PLSCR5: variants seen among roughly 807,000 people sequenced by gnomAD.
PLSCR5 encodes phospholipid scramblase family member 5, also known as phospholipid scramblase family, member 5.
Under a neutral mutation model 33.6 loss-of-function variants are expected in PLSCR5, and 44 were observed. That is an observed-to-expected ratio of 1.31 (90% CI 1.03 to 1.69). The LOEUF (loss-of-function observed/expected upper bound fraction) is 1.69. Among genes scored for constraint, PLSCR5 ranks in the 40% most tolerant of loss-of-function variants. PLSCR5 has a pLI of 0.00. For synonymous variants in PLSCR5, 148 were observed against 112.3 expected, an observed-to-expected ratio of 1.32 and a Z score of -2.01; for missense variants, 375 against 318.7, an observed-to-expected ratio of 1.18 and a Z score of -1.34.
At chr3:146,598,670 T>G (rs1452832994) in intron 2 of PLSCR5, among the ~76,000 whole-genome samples, 1 of 152,182 alleles carries the variant, frequency 6.6e-6, no homozygotes, top group Non-Finnish European at 1.5e-5. Context: ...ACCTCAGCCC[T>G]CTGGCACTGG....
At chr3:146,584,471 C>T (rs2044652983), downstream of PLSCR5, among the ~76,000 whole-genome samples, 1 of 152,072 alleles carries the variant, frequency 6.6e-6, no homozygotes, top group Admixed American at 6.6e-5. Context: ...ACCAGTTACA[C>T]TGAAAAAATA....
At chr3:146,593,882 T>A (rs1185889785) in intron 4 of PLSCR5, 38 bp downstream of exon 4, 1 of 1,573,310 alleles carries the variant, frequency 6.4e-7, no homozygotes, top group Non-Finnish European at 8.7e-7. Flanking sequence ...AATGCTAATC[T>A]TAAAAATCAA....
In PLSCR5 at chr3:146,580,454, C is replaced by CTTTTT. The variant is rs1170556618; in HGVS notation, c.*45-3734_*45-3730dup. Among the ~76,000 whole-genome samples, 16 of 60,556 alleles carry CTTTTT rather than the reference C, an allele frequency of 2.6e-4. 1 individual carries two copies. The highest frequency in any genetic ancestry group is 8.7e-4 in the African/African-American group (12 of 13,802). 39.7% of individuals were successfully genotyped at this position (60,556 alleles called of 152,430 possible). ...TCTTGACTCAGAGCCTTTGAATTTG[C>CTTTTT]TTTTTTTTTTTTTTTTTTTTTTTTT... is the stretch of plus-strand genomic sequence containing the variant. On this transcript the variant is annotated intron_variant, in intron 7 of 7. Transcript: ENST00000482567.
At position 146,577,925 on chromosome 3, in the gene PLSCR5, T is replaced by C. The variant is rs558457959; in HGVS notation, c.*45-1200A>G. ...AACATATATATTACCTAGGCATATG[T>C]AACTGGATTTTAAAAAGTAACAACT... On this transcript the variant is annotated intron_variant, in intron 7 of 7. Coordinates refer to the PLSCR5 transcript ENST00000482567. 2.0e-5 allele frequency among the ~76,000 whole-genome samples: 3 copies of C among 152,256 alleles called. No individual in the cohort carries two copies. The South Asian group carries it at 6.2e-4, about 32-fold the overall frequency.
Position 146,600,315 on chromosome 3 carries a change from G to A in PLSCR5, c.162C>T (p.Leu54=). 6.2e-7 allele frequency: 1 copy of A among 1,601,354 alleles called. No homozygotes were observed. Among genetic ancestry groups the A allele is most frequent in the Non-Finnish European group, 8.5e-7 (1 of 1,172,840 alleles). ...LPSSFLPTVS[L]PPGLEYLSQL... ...GGCTTAAATATTCTAGACCAGGAGG[G>A]AGACTGACTGTTGGCAGGAAACTGC... The change falls in exon 2 of 8, where the codon CTC becomes CTT. Residue 54 remains leucine, a synonymous_variant. Transcript: ENST00000443512.
rs185810895 is a variant in PLSCR5, at chr3:146,592,991, A to G, written c.453+929T>C. 2.0e-5 allele frequency among the ~76,000 whole-genome samples: 3 copies of G among 152,220 alleles called. No individual in the cohort carries two copies. In the East Asian group the frequency reaches 5.8e-4, roughly 29 times the overall value. On this transcript the variant is annotated intron_variant, in intron 4 of 7. Transcript: ENST00000443512. ...TTATCACTTAGTCAGATGCTTACCT[A>G]AAAATAGTTGGAGAATTAGCTTTGA...
At chr3:146,585,819 G>A, downstream of PLSCR5, 3 of 273,058 alleles carry the variant, frequency 1.1e-5, no homozygotes, top group Non-Finnish European at 2.0e-5. Context: ...TAGCTATCAT[G>A]CATTCACAAC....
intron 6 of PLSCR5, among the ~76,000 whole-genome samples, chr3:146,587,938 G>T (rs1280630035): frequency 6.6e-6 from 1 of 151,738 alleles, no homozygotes; most frequent in Non-Finnish European, 1.5e-5. Flanking sequence ...GAAGTCATCA[G>T]GGAATAATTT....
At chr3:146,605,118 A>G (rs2044853179) in intron 1 of PLSCR5, 82 bp downstream of exon 1, 1 of 1,357,212 alleles carries the variant, frequency 7.4e-7, no homozygotes, top group East Asian at 2.5e-5. Flanking sequence ...GTACCAATCT[A>G]ACTGGTTGTA....
intron 1 of PLSCR5, among the ~76,000 whole-genome samples, chr3:146,604,315 C>T (rs754212168): frequency 1.3e-5 from 2 of 152,040 alleles, no homozygotes; most frequent in Non-Finnish European, 2.9e-5. Flanking sequence ...ACAACTACAT[C>T]TCTTGTCTTT....
Position 146,594,206 on chromosome 3 carries a change from G to A in PLSCR5, c.233-66C>T, listed in dbSNP as rs182828219. ...TTAGTATTGATAACTTTAAATAAAG[G>A]GGAGATGTTATTAAAAGAATACAGT... On this transcript the variant is annotated intron_variant, in intron 3 of 7. Coordinates refer to ENST00000443512, the MANE Select transcript of PLSCR5 (RefSeq NM_001085420.2). The A allele has an allele frequency of 1.8e-4, 201 of 1,140,206 alleles. No individual in the cohort carries two copies. The African/African-American group carries it at 2.7e-3, about 16-fold the overall frequency. 70.6% of individuals were successfully genotyped at this position (1,140,206 alleles called of 1,614,324 possible).
intron 1 of PLSCR5, among the ~76,000 whole-genome samples, chr3:146,601,645 A>G (rs1202162682): frequency 6.6e-6 from 1 of 152,208 alleles, no homozygotes; most frequent in East Asian, 1.9e-4. Flanking sequence ...AAAGATTTGA[A>G]TAAGTATTCT....
chr3:146,594,885 T>C (rs1341197299), intron 3 of PLSCR5, among the ~76,000 whole-genome samples, 156 bp downstream of exon 3: 2 of 152,184 alleles, frequency 1.3e-5, no homozygotes, highest in Non-Finnish European at 2.9e-5. Flanking sequence ...TACTTTCAGC[T>C]TTTAATTGAA....
At chr3:146,604,433 C>T (rs60870021) in intron 1 of PLSCR5, among the ~76,000 whole-genome samples, 3,886 of 152,114 alleles carry the variant, frequency 0.026, 182 homozygotes, top group African/African-American at 0.087. Flanking sequence ...GTGATCTGTG[C>T]GCTTAAAGCA....
At chr3:146,600,519 CCTT>C (rs1316258204) in intron 1 of PLSCR5, 56 bp from the exon 2 acceptor site, 2 of 1,433,310 alleles carry the variant, frequency 1.4e-6, no homozygotes, top group African/African-American at 1.4e-5. Flanking sequence ...TTTATTTAGT[CCTT>C]CTTAAAGTAT....
At chr3:146,602,230 A>T (rs55706321) in intron 1 of PLSCR5, among the ~76,000 whole-genome samples, 30,666 of 152,122 alleles carry the variant, frequency 0.2, 3,171 homozygotes, top group Middle Eastern at 0.23. Context: ...GGATCCTAAG[A>T]AGTAAAGCCA....
intron 7 of PLSCR5, among the ~76,000 whole-genome samples, chr3:146,577,350 G>T (rs140592727): frequency 1.3e-5 from 2 of 152,042 alleles, no homozygotes; most frequent in African/African-American, 4.8e-5. Context: ...GATGTGTCTT[G>T]GTTTGGCCTA....
downstream of PLSCR5, among the ~76,000 whole-genome samples, chr3:146,584,107 C>T (rs577785675): frequency 2.0e-5 from 3 of 152,264 alleles, no homozygotes; most frequent in South Asian, 6.2e-4. Context: ...CATTTCGTTA[C>T]CCTACCAGAA....
rs2044700222 is a variant in PLSCR5 at position 146,589,960 on chromosome 3, A to G, written c.616-146T>C. ...TTCCATGTTATTCATTCCATCATAT[A>G]AGCATAGGTTTGTAAATTTAGCTTT... is the stretch of plus-strand genomic sequence containing the variant. On this transcript the variant is annotated intron_variant, in intron 5 of 7. Coordinates refer to ENST00000443512, the MANE Select transcript of PLSCR5 (RefSeq NM_001085420.2). 7.9e-6 allele frequency: 4 copies of G among 505,652 alleles called. No individual in the cohort carries two copies. The South Asian group carries it at 2.5e-4, about 32-fold the overall frequency. 31.3% of individuals were successfully genotyped at this position (505,652 alleles called of 1,614,324 possible).
Sources: allele counts gnomAD v4.1 joint callset (sites outside exome capture counted in the v4.1 genomes callset), GRCh38; gene constraint gnomAD v4.1.1; transcripts MANE v1.5; gene names NCBI Gene and HGNC (gene_info 2026-07-23, HGNC 2026-07-21).